The following C10orf105 variants were observed in gnomAD, a reference collection of about 807,000 sequenced individuals.
C10orf105 encodes chromosome 10 open reading frame 105.
A neutral mutation model predicts 0.6 loss-of-function variants in C10orf105; 2 were observed. The observed-to-expected ratio is 3.18, with a 90% CI of 1.30 to 10.01. The LOEUF is 10.01. C10orf105 is among the 30% of genes most tolerant of loss of function. C10orf105 has a pLI of 0.04. For synonymous variants in C10orf105, 95 were observed against 82.4 expected (o/e 1.15, Z -0.83); for missense variants, 209 against 191.4 (o/e 1.09, Z -0.54).
rs1003946495 is a variant in C10orf105, at chr10:71,714,693, T to A, written c.*1243A>T. 3 of 152,226 alleles carry A rather than the reference T, an allele frequency of 2.0e-5. No individual in the cohort carries two copies. The highest frequency in any genetic ancestry group is 7.2e-5 in the African/African-American group (3 of 41,440). The allele number at this position is 152,226 out of a possible 1,614,324, so 9.4% of individuals were successfully genotyped here. On this transcript the variant is annotated 3_prime_UTR_variant, in exon 2 of 2. Coordinates refer to ENST00000441508, the MANE Select transcript of C10orf105 (RefSeq NM_001164375.3). ...GAGCTTTGGCTATATCCATTTGGCA[T>A]TAGGGAGCCAGTGAAGGTTTTGGAG... is the stretch of plus-strand genomic sequence containing the variant.
upstream of C10orf105, among the ~76,000 whole-genome samples, chr10:71,724,618 C>G (rs117587776): frequency 2.6e-5 from 4 of 152,152 alleles, no homozygotes; most frequent in Admixed American, 6.5e-5. Context: ...TTTTGATTGC[C>G]GTGTTCCTGA....
chr10:71,716,282 A>T lies in C10orf105; in HGVS notation c.56T>A (p.Phe19Tyr). ...CCCGGGAGTGACGGGAGCTGAGAGA[A>T]AGGCGAGGGGGCTGATGGCTGGGGA... ...ASSPAISPLA[F>Y]LSAPVTPGTL... The change falls in exon 2 of 2, where the codon TTT (phenylalanine) becomes TAT (tyrosine). Residue 19 changes from phenylalanine to tyrosine, a missense_variant. Phe to Tyr is a conservative substitution (Grantham distance 22, BLOSUM62 3). Transcript: ENST00000441508. The T allele has an allele frequency of 6.5e-7, 1 of 1,530,184 alleles. No homozygotes were observed. The highest frequency in any genetic ancestry group is 1.2e-5 in the South Asian group (1 of 81,514). The allele number at this position is 1,530,184 out of a possible 1,614,324, so 94.8% of individuals were successfully genotyped here.
Position 71,713,063 on chromosome 10 carries a change from C to T in C10orf105, c.*2873G>A, listed in dbSNP as rs374039500. 1 of 742,028 alleles carries T rather than the reference C, an allele frequency of 1.3e-6. No homozygotes were observed. 46.0% of individuals were successfully genotyped at this position (742,028 alleles called of 1,614,324 possible). ...CCCACAAACAGGAGGAAGACTTGGC[C>T]TCCCCCTGCATATCTCCCGCCCCAC... is the stretch of plus-strand genomic sequence containing the variant. On this transcript the variant is annotated 3_prime_UTR_variant, in exon 2 of 2. Coordinates refer to ENST00000441508, the MANE Select transcript of C10orf105 (RefSeq NM_001164375.3).
chr10:71,728,194 C>A (rs528369654), intron 1 of C10orf105, among the ~76,000 whole-genome samples: 5 of 152,142 alleles, frequency 3.3e-5, no homozygotes, highest in Non-Finnish European at 5.9e-5. Flanking sequence ...CAAACTCCCC[C>A]CCGCACCCAC....
chr10:71,734,730 C>CAG, intron 1 of C10orf105: 1 of 997,850 alleles, frequency 1.0e-6, no homozygotes, highest in Non-Finnish European at 1.5e-6. Flanking sequence ...TCTGCCTGGC[C>CAG]CTGGACCTTC....
chr10:71,736,200 A>G (rs1839560269), intron 1 of C10orf105, among the ~76,000 whole-genome samples: 2 of 152,240 alleles, frequency 1.3e-5, no homozygotes, highest in African/African-American at 4.8e-5. Context: ...TCTTCCGGTT[A>G]GCAGGGCCCA....
At chr10:71,723,907 C>T (rs1429476154), upstream of C10orf105, 4 of 930,330 alleles carry the variant, frequency 4.3e-6, no homozygotes, top group Non-Finnish European at 6.8e-6. Flanking sequence ...GTCTCCCACA[C>T]CCCCAGCCTC....
chr10:71,717,642 G>T (rs368783204), intron 1 of C10orf105: 1 of 152,360 alleles, frequency 6.6e-6, no homozygotes, highest in Middle Eastern at 3.4e-3. Flanking sequence ...AGATGAGCAG[G>T]GCCACCTGGA....
upstream of C10orf105, chr10:71,724,213 G>A (rs1866704207): frequency 7.5e-6 from 9 of 1,197,662 alleles, 1 homozygote; most frequent in South Asian, 1.2e-4. Context: ...AACCCCCAGG[G>A]CCATATACAT....
chr10:71,722,070 C>T (rs1231622591), upstream of C10orf105, among the ~76,000 whole-genome samples: 1 of 152,224 alleles, frequency 6.6e-6, no homozygotes, highest in East Asian at 1.9e-4. Flanking sequence ...ATCTTCTCTG[C>T]AGTTTTGTCC....
At chr10:71,729,898 G>A (rs1317793804) in intron 1 of C10orf105, among the ~76,000 whole-genome samples, 4 of 151,746 alleles carry the variant, frequency 2.6e-5, no homozygotes, top group South Asian at 4.2e-4. Context: ...GCAGTGGCGC[G>A]ATCTTGGTTC....
chr10:71,735,259 A>G (rs1839527309), intron 1 of C10orf105, among the ~76,000 whole-genome samples: 1 of 152,004 alleles, frequency 6.6e-6, no homozygotes, highest in Admixed American at 6.6e-5. Flanking sequence ...TAGGAAGGGG[A>G]CCATGGGCAC....
chr10:71,729,438 A>G (rs10823836), intron 1 of C10orf105, among the ~76,000 whole-genome samples: 57,715 of 152,132 alleles, frequency 0.38, 11,559 homozygotes, highest in Non-Finnish European at 0.44. Flanking sequence ...GCGTCCCCTC[A>G]CTGCCCCAAA....
upstream of C10orf105, chr10:71,723,943 G>A: frequency 1.5e-6 from 2 of 1,334,008 alleles, no homozygotes; most frequent in East Asian, 5.0e-5. Flanking sequence ...GTTTTGGCAG[G>A]ATGGGGTAGG....
At chr10:71,732,748 C>CACCGAG in intron 1 of C10orf105, 23 of 1,122,264 alleles carry the variant, frequency 2.0e-5, no homozygotes, top group South Asian at 1.4e-4. Flanking sequence ...TCTGTTTTTC[C>CACCGAG]TTCTGTTTTC....
chr10:71,723,571 C>T (rs556208183), upstream of C10orf105, among the ~76,000 whole-genome samples: 3 of 152,242 alleles, frequency 2.0e-5, no homozygotes, highest in Admixed American at 6.5e-5. Flanking sequence ...ACGAAGTGAC[C>T]GTTACAGTGT....
chr10:71,737,260 G>T (rs1367484828), intron 1 of C10orf105, among the ~76,000 whole-genome samples: 4 of 152,226 alleles, frequency 2.6e-5, no homozygotes, highest in Admixed American at 2.6e-4. Flanking sequence ...GAACAGGGAA[G>T]AGTAGGTGCC....
At chr10:71,722,632 A>C (rs1400941799), upstream of C10orf105, among the ~76,000 whole-genome samples, 1 of 152,224 alleles carries the variant, frequency 6.6e-6, no homozygotes, top group Non-Finnish European at 1.5e-5. Flanking sequence ...GAGGGTGACC[A>C]GGGGTAGGGA....
At chr10:71,717,496 C>T (rs1866323226) in intron 1 of C10orf105, 1 of 152,286 alleles carries the variant, frequency 6.6e-6, no homozygotes, top group Non-Finnish European at 1.5e-5. Context: ...CACTGAAGAT[C>T]ATCCCATTAG....
Sources: gnomAD v4.1 joint callset for allele counts (sites outside exome capture counted in the v4.1 genomes callset) on GRCh38, gnomAD v4.1.1 for gene constraint, MANE v1.5 for transcripts, NCBI Gene and HGNC (gene_info 2026-07-23, HGNC 2026-07-21) for gene names.